NEDD4L: variants seen among roughly 807,000 people sequenced by gnomAD.
NEDD4L encodes the protein E3 ubiquitin-protein ligase NEDD4-like.
In NEDD4L, 54 loss-of-function variants were observed where a neutral mutation model predicts 148.9. The ratio of observed to expected loss-of-function variants is 0.36; its 90% CI spans 0.29 to 0.45. NEDD4L has a LOEUF of 0.45. Among genes scored for constraint, NEDD4L ranks in the 20% least tolerant of loss-of-function variants. The probability of loss-of-function intolerance (pLI) is 1.00; values close to 1 mark genes in which losing one functional copy is unlikely to be tolerated. For synonymous variants in NEDD4L, 433 were observed against 440.7 expected, an observed-to-expected ratio of 0.98 and a Z score of 0.22; for missense variants, 856 against 1,233.8, an observed-to-expected ratio of 0.69 and a Z score of 4.59.
At position 58,208,970 on chromosome 18, in the gene NEDD4L, A is replaced by T. The variant is rs530690156; in HGVS notation, c.123-36457A>T. Among the ~76,000 whole-genome samples, 14 of 152,254 alleles carry T rather than the reference A, an allele frequency of 9.2e-5. No homozygotes were observed. The South Asian group carries it at 2.5e-3, about 27-fold the overall frequency. On this transcript the variant is annotated intron_variant, in intron 2 of 30. Transcript: ENST00000400345. Reference sequence around the variant, plus strand: ...GCAGTTTTAAAATTAGGCTAAATGTAGTCTGACTGCAGGATTCATTCCAGT... The same window carrying T: ...GCAGTTTTAAAATTAGGCTAAATGTTGTCTGACTGCAGGATTCATTCCAGT...
In NEDD4L at chr18:58,150,870, G is replaced by A. The variant is rs575260842; in HGVS notation, c.49-14918G>A. Among the ~76,000 whole-genome samples the A allele has an allele frequency of 1.3e-3, 204 of 152,104 alleles. 1 individual carries two copies. Among genetic ancestry groups the A allele is most frequent in the African/African-American group, 4.7e-3 (195 of 41,418 alleles). On this transcript the variant is annotated intron_variant, in intron 1 of 30. Transcript: ENST00000400345. The stretch of plus-strand genomic sequence containing the variant: ...GGCCTTGGTCCAGTGGGGGCGGGTC[G>A]TACCATGACCCCCTTCTCCTGTGAT...
At chr18:58,352,471 G>A (rs1218422719) in intron 18 of NEDD4L, among the ~76,000 whole-genome samples, 1 of 151,976 alleles carries the variant, frequency 6.6e-6, no homozygotes, top group Admixed American at 6.6e-5. Context: ...CCTGGCCAAC[G>A]TGATGAAACC....
At position 58,052,478 on chromosome 18, in the gene NEDD4L, A is replaced by G. The variant is rs113174850; in HGVS notation, c.48+7770A>G. 1.6e-4 allele frequency among the ~76,000 whole-genome samples: 25 copies of G among 152,238 alleles called. 2 individuals are homozygous for G. The highest frequency in any genetic ancestry group is 6.0e-4 in the African/African-American group (25 of 41,524). On this transcript the variant is annotated intron_variant, in intron 1 of 30. Coordinates refer to ENST00000400345, the MANE Select transcript of NEDD4L (RefSeq NM_001144967.3). Reference sequence around the variant, plus strand: ...TTTTTGTCCCTGACTTCAGTCCTGCATTGATTCAAAACGCACCAAGTTAAA... The same window carrying G: ...TTTTTGTCCCTGACTTCAGTCCTGCGTTGATTCAAAACGCACCAAGTTAAA...
intron 1 of NEDD4L, among the ~76,000 whole-genome samples, chr18:58,048,827 T>C (rs924919040): frequency 2.0e-5 from 3 of 152,202 alleles, no homozygotes; most frequent in Non-Finnish European, 2.9e-5. Flanking sequence ...TGGCAGCTAG[T>C]TGTGCTATGG....
Position 58,256,154 on chromosome 18 carries a change from C to T in NEDD4L, c.297+4100C>T. 1 of 1,220,322 alleles carries T rather than the reference C, an allele frequency of 8.2e-7. No individual in the cohort carries two copies. Among genetic ancestry groups the T allele is most frequent in the Non-Finnish European group, 1.0e-6 (1 of 980,802 alleles). 75.6% of individuals were successfully genotyped at this position (1,220,322 alleles called of 1,614,324 possible). ...GCTCCAGGTCAACGGCACGTGCGGC[C>T]GCCGCGTGCGGTGCTCCGGCCCCGT... On this transcript the variant is annotated intron_variant, in intron 5 of 30. Transcript: ENST00000400345. This position sits in a 1 kb window ranked among gnomAD's most constrained non-coding sequence, Gnocchi z 5.2.
Position 58,400,849 on chromosome 18 carries a change from A to G in NEDD4L, c.*4580A>G, listed in dbSNP as rs2050802291. ...CACCTAGATTGTCACGGTTTCCTTC[A>G]TGTTAACTTTGCGTGACTTTGTTCT... On this transcript the variant is annotated 3_prime_UTR_variant, in exon 31 of 31. Transcript: ENST00000400345. 1.3e-5 allele frequency: 2 copies of G among 152,198 alleles called. No homozygotes were observed. Among genetic ancestry groups the G allele is most frequent in the African/African-American group, 2.4e-5 (1 of 41,428 alleles). 9.4% of individuals were successfully genotyped at this position (152,198 alleles called of 1,614,324 possible).
At chr18:58,307,578 C>G (rs891508565) in intron 5 of NEDD4L, among the ~76,000 whole-genome samples, 4 of 152,062 alleles carry the variant, frequency 2.6e-5, no homozygotes, top group African/African-American at 9.7e-5. Context: ...AATTGCAATT[C>G]AAGAATAAAA....
At chr18:58,118,899 G>T (rs11663320) in intron 1 of NEDD4L, among the ~76,000 whole-genome samples, 84,538 of 151,794 alleles carry the variant, frequency 0.56, 23,861 homozygotes, top group Middle Eastern at 0.63. Flanking sequence ...CCCCCCAAGC[G>T]GAACTGGGTT....
At chr18:58,306,099 G>A (rs1479499741) in intron 5 of NEDD4L, among the ~76,000 whole-genome samples, 2 of 152,162 alleles carry the variant, frequency 1.3e-5, no homozygotes, top group Admixed American at 1.3e-4. Context: ...AAGCAGGAAA[G>A]GAGAGCCACA....
intron 1 of NEDD4L, among the ~76,000 whole-genome samples, chr18:58,082,100 A>AT (rs1292050464): frequency 0.011 from 813 of 72,136 alleles, 23 homozygotes; most frequent in East Asian, 0.017. Flanking sequence ...ATATATATAT[A>AT]TATTTTTTTT....
intron 5 of NEDD4L, among the ~76,000 whole-genome samples, chr18:58,311,518 A>G (rs1218844366): frequency 6.6e-6 from 1 of 152,024 alleles, no homozygotes; most frequent in Admixed American, 6.6e-5. Context: ...ACTTCCTTTA[A>G]TACTTTTCTT....
intron 1 of NEDD4L, among the ~76,000 whole-genome samples, chr18:58,152,975 T>A (rs1272922712): frequency 6.6e-6 from 1 of 152,136 alleles, no homozygotes; most frequent in African/African-American, 2.4e-5. Context: ...CAGCCACCTA[T>A]GGGGTGGCTG....
intron 2 of NEDD4L, among the ~76,000 whole-genome samples, chr18:58,237,722 C>A (rs563725802): frequency 6.6e-6 from 1 of 152,232 alleles, no homozygotes. Context: ...CTCTGATGAT[C>A]TCTATGTAGA....
At chr18:58,237,270 C>T (rs2046148113) in intron 2 of NEDD4L, among the ~76,000 whole-genome samples, 1 of 152,046 alleles carries the variant, frequency 6.6e-6, no homozygotes, top group Admixed American at 6.5e-5. Context: ...GGTGGATGCT[C>T]CTTGACTATC....
intron 3 of NEDD4L, 78 bp downstream of exon 3, chr18:58,245,586 C>G: frequency 1.4e-6 from 1 of 720,834 alleles, no homozygotes; most frequent in Admixed American, 2.5e-5. Flanking sequence ...CTGCTTAACA[C>G]CTTTTTGGTC....
chr18:58,194,955 C>CAAG (rs2040499009), intron 2 of NEDD4L, among the ~76,000 whole-genome samples: 1 of 152,230 alleles, frequency 6.6e-6, no homozygotes, highest in African/African-American at 2.4e-5. Context: ...TGGCATAGGA[C>CAAG]AAGAAGCTTG....
At chr18:58,344,183 C>T (rs1377543176) in intron 16 of NEDD4L, among the ~76,000 whole-genome samples, 2 of 152,178 alleles carry the variant, frequency 1.3e-5, no homozygotes, top group Non-Finnish European at 2.9e-5. Context: ...ATTTGATAGA[C>T]CAGCAGCCTT....
rs370402906 is a variant in NEDD4L, at chr18:58,106,786, G to T, written c.49-59002G>T. Reference sequence around the variant, plus strand: ...AAAGGGCAATTGTCATACCTATTTTGCATGAGAGACTCAACCACTCGCCCA... The same window carrying T: ...AAAGGGCAATTGTCATACCTATTTTTCATGAGAGACTCAACCACTCGCCCA... On this transcript the variant is annotated intron_variant, in intron 1 of 30. Transcript: ENST00000400345. Among the ~76,000 whole-genome samples the T allele has an allele frequency of 1.6e-3, 246 of 152,244 alleles. 1 individual carries two copies. Among genetic ancestry groups the T allele is most frequent in the Non-Finnish European group, 2.6e-3 (179 of 68,020 alleles).
chr18:58,139,227 T>G (rs502437), intron 1 of NEDD4L, among the ~76,000 whole-genome samples: 133,301 of 151,888 alleles, frequency 0.88, 58,550 homozygotes, highest in East Asian at 0.93. Flanking sequence ...GGGCTGGACT[T>G]GGGAGGAGAG....
Sources: allele counts gnomAD v4.1 joint callset (sites outside exome capture counted in the v4.1 genomes callset), GRCh38; gene constraint gnomAD v4.1.1; non-coding constraint Gnocchi (gnomAD v3.1); transcripts MANE v1.5; gene names NCBI Gene and HGNC (gene_info 2026-07-23, HGNC 2026-07-21).